The following CPNE4 variants were observed in gnomAD, a reference collection of about 807,000 sequenced individuals.
CPNE4 encodes copine-4.
Under a neutral mutation model 67.9 loss-of-function variants are expected in CPNE4, and 25 were observed. The observed-to-expected ratio is 0.37, with a 90% CI of 0.27 to 0.51. CPNE4 has a LOEUF of 0.51. Ranked by LOEUF, CPNE4 falls within the 20% of genes least tolerant of loss-of-function variation. The pLI is 0.93. For synonymous variants in CPNE4, 242 were observed against 244.9 expected (o/e 0.99, Z 0.11); for missense variants, 464 against 690.8 (o/e 0.67, Z 3.68).
At chr3:132,021,579 G>A (rs969732809) in intron 1 of CPNE4, among the ~76,000 whole-genome samples, 4 of 152,174 alleles carry the variant, frequency 2.6e-5, no homozygotes, top group Non-Finnish European at 5.9e-5. Flanking sequence ...TATGGACAAC[G>A]ACAGGTATGA....
chr3:131,775,865 A>G (rs1253400878), intron 2 of CPNE4, among the ~76,000 whole-genome samples: 1 of 152,192 alleles, frequency 6.6e-6, no homozygotes, highest in Non-Finnish European at 1.5e-5. Context: ...GAAAACCACA[A>G]TGTGCTGATA....
intron 7 of CPNE4, among the ~76,000 whole-genome samples, chr3:131,588,064 T>C (rs1938298674): frequency 6.6e-6 from 1 of 151,376 alleles, no homozygotes; most frequent in Admixed American, 6.5e-5. Flanking sequence ...ATTTTTCTTT[T>C]TCTATTTTTT....
rs939863555 is a variant in CPNE4 at position 131,598,848 on chromosome 3, C to A, written c.682-11266G>T. ...TAGACACTCTTTAAAATTGTCCCCC[C>A]ACCCCCCCGCCAAAAAAAAATTACC... On this transcript the variant is annotated intron_variant, in intron 7 of 15. Coordinates refer to ENST00000429747, the MANE Select transcript of CPNE4 (RefSeq NM_130808.3). Among the ~76,000 whole-genome samples the A allele has an allele frequency of 2.7e-3, 279 of 103,944 alleles. 14 individuals are homozygous for A. Among genetic ancestry groups the A allele is most frequent in the African/African-American group, 0.017 (265 of 15,152 alleles). The allele number at this position is 103,944 out of a possible 152,430, so 68.2% of individuals were successfully genotyped here.
chr3:131,685,062 T>A (rs1466633988), intron 6 of CPNE4, among the ~76,000 whole-genome samples: 1 of 152,160 alleles, frequency 6.6e-6, no homozygotes, highest in Admixed American at 6.5e-5. Context: ...CAAATTACCA[T>A]GAAGCTCAGA....
rs373949399 is a variant in CPNE4, at chr3:131,743,553, A to G, written c.181-19928T>C. ...GGCAAAAGCATCCAGTGGTGCACAC[A>G]AAAATACACTATGATCAAATAGTTT... is the stretch of plus-strand genomic sequence containing the variant. On this transcript the variant is annotated intron_variant, in intron 2 of 15. Coordinates refer to ENST00000429747, the MANE Select transcript of CPNE4 (RefSeq NM_130808.3). Among the ~76,000 whole-genome samples, 6 of 152,348 alleles carry G rather than the reference A, an allele frequency of 3.9e-5. No individual in the cohort carries two copies. In the East Asian group the frequency reaches 1.2e-3, roughly 29 times the overall value.
intron 1 of CPNE4, among the ~76,000 whole-genome samples, chr3:131,928,919 G>C (rs529616258): frequency 6.6e-6 from 1 of 152,298 alleles, no homozygotes; most frequent in Non-Finnish European, 1.5e-5. Flanking sequence ...CCATAAGTGA[G>C]GAGGCTCTGG....
intron 2 of CPNE4, among the ~76,000 whole-genome samples, chr3:131,812,232 A>C (rs933290046): frequency 3.8e-4 from 58 of 151,958 alleles, no homozygotes; most frequent in Admixed American, 1.9e-3. Context: ...AAAAAAAAAA[A>C]AACAGGAAGC....
chr3:131,687,851 G>GTGAA (rs913818017), intron 5 of CPNE4, among the ~76,000 whole-genome samples: 12 of 152,324 alleles, frequency 7.9e-5, no homozygotes, highest in African/African-American at 2.9e-4. Flanking sequence ...GAGTGAATGA[G>GTGAA]TGAATGAATG....
At chr3:131,540,918 G>C (rs1935443680) in intron 15 of CPNE4, among the ~76,000 whole-genome samples, 1 of 152,130 alleles carries the variant, frequency 6.6e-6, no homozygotes, top group East Asian at 1.9e-4. Context: ...CGGTAGCATG[G>C]AAAGGAGAGG....
chr3:131,733,405 C>T (rs1260813456), intron 2 of CPNE4, among the ~76,000 whole-genome samples: 1 of 152,206 alleles, frequency 6.6e-6, no homozygotes, highest in Non-Finnish European at 1.5e-5. Flanking sequence ...TAAGTTCCTT[C>T]CACTTGGCTA....
chr3:131,918,831 A>T (rs2070654376), intron 1 of CPNE4, among the ~76,000 whole-genome samples: 1 of 152,242 alleles, frequency 6.6e-6, no homozygotes, highest in African/African-American at 2.4e-5. Flanking sequence ...ACAAAAACAC[A>T]TTAGAAGACA....
At chr3:131,563,336 A>G (rs1332095219) in intron 11 of CPNE4, among the ~76,000 whole-genome samples, 1 of 152,052 alleles carries the variant, frequency 6.6e-6, no homozygotes, top group Non-Finnish European at 1.5e-5. Flanking sequence ...ACTGAGATTT[A>G]CACATATTTA....
upstream of CPNE4, chr3:132,037,458 A>G: frequency 1.2e-6 from 1 of 852,424 alleles, no homozygotes; most frequent in East Asian, 2.6e-5. Context: ...ACCAGCTAAT[A>G]ATCCATGTTT....
At chr3:131,941,799 ATTGT>A (rs2071396489) in intron 1 of CPNE4, among the ~76,000 whole-genome samples, 1 of 152,068 alleles carries the variant, frequency 6.6e-6, no homozygotes, top group Admixed American at 6.6e-5. Flanking sequence ...CAGATGTTTT[ATTGT>A]TTAATCTTAA....
chr3:131,874,141 T>G (rs1032931550), intron 2 of CPNE4, among the ~76,000 whole-genome samples: 3 of 151,396 alleles, frequency 2.0e-5, no homozygotes. Context: ...CAGGCTGGAG[T>G]GCAGTGGCGC....
chr3:131,608,163 A>T (rs1939617213), intron 7 of CPNE4, among the ~76,000 whole-genome samples: 1 of 152,196 alleles, frequency 6.6e-6, no homozygotes, highest in African/African-American at 2.4e-5. Context: ...CTATATTTTG[A>T]GTGCCTACTA....
At chr3:131,849,821 A>G (rs1280001768) in intron 2 of CPNE4, among the ~76,000 whole-genome samples, 1 of 152,186 alleles carries the variant, frequency 6.6e-6, no homozygotes, top group African/African-American at 2.4e-5. Flanking sequence ...AGCCTAAATC[A>G]ACTGGCTGTC....
At chr3:131,792,914 T>TGC (rs1350786214) in intron 2 of CPNE4, among the ~76,000 whole-genome samples, 2 of 94,954 alleles carry the variant, frequency 2.1e-5, no homozygotes, top group African/African-American at 7.7e-5. Context: ...TGTGTGTGTG[T>TGC]GTGTGTGTGT....
chr3:131,657,513 A>G lies in CPNE4; in HGVS notation c.681+12162T>C, dbSNP rs1480437663. 3.3e-5 allele frequency among the ~76,000 whole-genome samples: 5 copies of G among 150,644 alleles called. No individual in the cohort carries two copies. The East Asian group carries it at 9.8e-4, about 30-fold the overall frequency. ...AGAGATCAGCTTTAATGAGTACATG[A>G]AAGCCTAGAATTATCTGTATTTTTT... On this transcript the variant is annotated intron_variant, in intron 7 of 15. Transcript: ENST00000429747.
Sources: allele counts gnomAD v4.1 joint callset (sites outside exome capture counted in the v4.1 genomes callset), GRCh38; gene constraint gnomAD v4.1.1; transcripts MANE v1.5; gene names NCBI Gene and HGNC (gene_info 2026-07-23, HGNC 2026-07-21).